Variants in OPA1 observed in about 807,000 individuals in gnomAD.
OPA1 encodes the protein OPA1 mitochondrial dynamin like GTPase.
Under a neutral mutation model 152.9 loss-of-function variants are expected in OPA1, and 59 were observed. The observed-to-expected ratio is 0.39, with a 90% CI of 0.31 to 0.48. The LOEUF is 0.48. Among genes scored for constraint, OPA1 ranks in the 20% least tolerant of loss-of-function variants. The probability of loss-of-function intolerance (pLI) is 0.96; values close to 1 mark genes in which losing one functional copy is unlikely to be tolerated. For missense variants in OPA1, 1,008 were observed against 1,216.8 expected, an observed-to-expected ratio of 0.83 and a Z score of 2.55; for synonymous variants, 400 against 389.9, an observed-to-expected ratio of 1.03 and a Z score of -0.31.
chr3:193,630,175 C>T (rs1166975586), intron 7 of OPA1, among the ~76,000 whole-genome samples: 1 of 152,150 alleles, frequency 6.6e-6, no homozygotes, highest in Non-Finnish European at 1.5e-5. Flanking sequence ...TGTCTCCTCA[C>T]AGTTTAGGCG....
At chr3:193,677,759 G>A (rs1719421551) in intron 29 of OPA1, among the ~76,000 whole-genome samples, 1 of 152,170 alleles carries the variant, frequency 6.6e-6, no homozygotes, top group African/African-American at 2.4e-5. Context: ...ACTTTGAAAT[G>A]TTGTAGTCTT....
At chr3:193,678,128 C>T (rs1181894551) in intron 29 of OPA1, among the ~76,000 whole-genome samples, 3 of 152,150 alleles carry the variant, frequency 2.0e-5, no homozygotes, top group Non-Finnish European at 2.9e-5. Flanking sequence ...TCTCTAGTTT[C>T]AATATTCTGA....
intron 23 of OPA1, 27 bp from the exon 24 acceptor site, chr3:193,658,860 G>T: frequency 6.6e-7 from 1 of 1,504,138 alleles, no homozygotes; most frequent in South Asian, 1.1e-5. Flanking sequence ...AAAACAAGTT[G>T]GCTTTTTCTC....
intron 10 of OPA1, 143 bp downstream of exon 10, chr3:193,637,424 G>A (rs1031726057): frequency 4.2e-6 from 2 of 481,168 alleles, no homozygotes; most frequent in African/African-American, 2.1e-5. Context: ...AATCTTACAT[G>A]TTCCAAGTAA....
rs541336977 is a variant in OPA1 at position 193,621,949 on chromosome 3, AT to A, written c.678+3015del. Among the ~76,000 whole-genome samples, 11 of 152,252 alleles carry A rather than the reference AT, an allele frequency of 7.2e-5. No individual in the cohort carries two copies. The South Asian group carries it at 2.3e-3, about 32-fold the overall frequency. ...CCACTTAGTTCATTCCCTTTTTTAG[AT>A]TCTGTAAGATTATTGTGTTCCAGTG... On this transcript the variant is annotated intron_variant, in intron 6 of 30. Transcript: ENST00000361510.
chr3:193,651,502 A>G (rs1712436586), intron 21 of OPA1, among the ~76,000 whole-genome samples: 2 of 152,218 alleles, frequency 1.3e-5, no homozygotes, highest in African/African-American at 2.4e-5. Context: ...TGCAAATGAT[A>G]TATTTGACAA....
At chr3:193,683,330 T>C (rs1720457287) in intron 29 of OPA1, among the ~76,000 whole-genome samples, 1 of 151,746 alleles carries the variant, frequency 6.6e-6, no homozygotes, top group South Asian at 2.1e-4. Context: ...AGATGGAATC[T>C]GTTCCTGGTG....
chr3:193,638,201 G>A (rs1733229825), intron 11 of OPA1, 136 bp downstream of exon 11: 1 of 731,122 alleles, frequency 1.4e-6, no homozygotes, highest in African/African-American at 1.7e-5. Flanking sequence ...CCCTAGTGTG[G>A]AAATCAGTAG....
chr3:193,673,665 T>C (rs1412021135), intron 29 of OPA1, among the ~76,000 whole-genome samples: 1 of 152,208 alleles, frequency 6.6e-6, no homozygotes, highest in East Asian at 1.9e-4. Flanking sequence ...ACTTGAGGCT[T>C]TTTGTTGAGC....
chr3:193,687,760 A>C (rs972800220), intron 29 of OPA1, among the ~76,000 whole-genome samples: 1 of 152,230 alleles, frequency 6.6e-6, no homozygotes, highest in African/African-American at 2.4e-5. Flanking sequence ...AACTTGTATC[A>C]AAATTTAAAA....
Position 193,690,481 on chromosome 3 carries a change from T to G in OPA1, c.2984-1582T>G, listed in dbSNP as rs183504921. On this transcript the variant is annotated intron_variant, in intron 29 of 30. Coordinates refer to ENST00000361510, the MANE Select transcript of OPA1 (RefSeq NM_130837.3). ...TCTGAGTCTAGCCTGGGCAACATAG[T>G]GAGACCTAGAAGTTTTAAATTACTG... is the stretch of plus-strand genomic sequence containing the variant. Among the ~76,000 whole-genome samples, 435 of 151,842 alleles carry G rather than the reference T, an allele frequency of 2.9e-3. 1 individual carries two copies. The highest frequency in any genetic ancestry group is 9.7e-3 in the African/African-American group (400 of 41,406).
chr3:193,616,151 A>G (rs1728980953), intron 3 of OPA1, among the ~76,000 whole-genome samples: 3 of 152,128 alleles, frequency 2.0e-5, no homozygotes, highest in Admixed American at 6.6e-5. Context: ...AGCCGGGACT[A>G]CATGTGTGTG....
intron 7 of OPA1, among the ~76,000 whole-genome samples, chr3:193,630,349 C>G (rs435139): frequency 0.88 from 134,442 of 152,188 alleles, 59,694 homozygotes; most frequent in African/African-American, 0.97. Context: ...TTTAGGCATA[C>G]GCTTTTAAGG....
rs1577111014 is a variant in OPA1, at chr3:193,598,339, A to G, written c.32+4930A>G. On this transcript the variant is annotated intron_variant, in intron 1 of 30. Coordinates refer to ENST00000361510, the MANE Select transcript of OPA1 (RefSeq NM_130837.3). ...TGTGAAGTAGAGGGCAAGGTCATCTACTGAGAGTTGGGGAGGTCAAGAGAG... is the reference window on the plus strand; with the variant it reads ...TGTGAAGTAGAGGGCAAGGTCATCTGCTGAGAGTTGGGGAGGTCAAGAGAG... Among the ~76,000 whole-genome samples the G allele has an allele frequency of 2.6e-5, 4 of 152,268 alleles. No homozygotes were observed. In the East Asian group the frequency reaches 5.8e-4, roughly 22 times the overall value.
intron 1 of OPA1, among the ~76,000 whole-genome samples, chr3:193,594,792 A>G (rs987041889): frequency 2.6e-5 from 4 of 152,224 alleles, no homozygotes; most frequent in African/African-American, 9.7e-5. Flanking sequence ...GGTATTTTTA[A>G]TCTCATGGAA....
chr3:193,612,352 G>T (rs2108852412), intron 1 of OPA1, among the ~76,000 whole-genome samples: 1 of 151,116 alleles, frequency 6.6e-6, no homozygotes, highest in Admixed American at 6.6e-5. Context: ...GAGTATGTAG[G>T]TAGAGATGGA....
At chr3:193,608,169 A>AT (rs1317993783) in intron 1 of OPA1, among the ~76,000 whole-genome samples, 4 of 152,186 alleles carry the variant, frequency 2.6e-5, no homozygotes, top group South Asian at 2.1e-4. Flanking sequence ...GGATTCATTG[A>AT]TTTTTTGAAG....
At chr3:193,617,897 A>G (rs912750213) in intron 5 of OPA1, 60 bp downstream of exon 5, 2 of 1,233,334 alleles carry the variant, frequency 1.6e-6, no homozygotes, top group African/African-American at 1.5e-5. Flanking sequence ...CTAATAAACT[A>G]GTTGCAAATA....
chr3:193,623,365 C>G (rs1439262212), intron 6 of OPA1, among the ~76,000 whole-genome samples: 1 of 152,128 alleles, frequency 6.6e-6, no homozygotes, highest in Non-Finnish European at 1.5e-5. Context: ...CTACCAAACT[C>G]ATTAACTTTT....
Sources: gnomAD v4.1 joint callset for allele counts (sites outside exome capture counted in the v4.1 genomes callset) on GRCh38, gnomAD v4.1.1 for gene constraint, MANE v1.5 for transcripts, NCBI Gene and HGNC (gene_info 2026-07-23, HGNC 2026-07-21) for gene names.